DNAH11: variants seen among roughly 807,000 people sequenced by gnomAD.
The protein encoded by DNAH11 is dynein axonemal heavy chain 11.
A neutral mutation model predicts 526.0 loss-of-function variants in DNAH11; 442 were observed. That is an observed-to-expected ratio of 0.84 (90% CI 0.78 to 0.91). The LOEUF (loss-of-function observed/expected upper bound fraction) is 0.91. DNAH11 is among the 40% of genes least tolerant of loss of function. The probability of loss-of-function intolerance (pLI) is 0.00; values close to 1 mark genes in which losing one functional copy is unlikely to be tolerated. For synonymous variants in DNAH11, 2,461 were observed against 1,935.9 expected (o/e 1.27, Z -7.12); for missense variants, 6,989 against 5,448.7 (o/e 1.28, Z -8.90).
chr7:21,672,922 A>C (rs1782703939), intron 30 of DNAH11, among the ~76,000 whole-genome samples: 1 of 152,186 alleles, frequency 6.6e-6, no homozygotes, highest in African/African-American at 2.4e-5. Context: ...CTACATGGTG[A>C]ACCCACTGTC....
intron 14 of DNAH11, among the ~76,000 whole-genome samples, chr7:21,594,121 C>T (rs1418243117): frequency 6.7e-6 from 1 of 150,158 alleles, no homozygotes; most frequent in African/African-American, 2.4e-5. Flanking sequence ...CATGAAGTAG[C>T]ACAGTGTGGG....
At chr7:21,728,237 CTTTTTTTTTTTTTTTTTT>C (rs71026816) in intron 45 of DNAH11, among the ~76,000 whole-genome samples, 46 of 58,944 alleles carry the variant, frequency 7.8e-4, no homozygotes, top group African/African-American at 3.0e-3. Flanking sequence ...GCCCACAATT[CTTTTTTTTTTTTTTTTTT>C]TTTTTTTTTT....
chr7:21,855,548 A>C (rs1352923719), intron 68 of DNAH11, among the ~76,000 whole-genome samples: 1 of 152,250 alleles, frequency 6.6e-6, no homozygotes, highest in Admixed American at 6.5e-5. Flanking sequence ...CATTTAAAAA[A>C]TAAGGATGAC....
chr7:21,591,319 G>C lies in DNAH11; in HGVS notation c.2409G>C (p.Leu803=). 2 of 1,613,964 alleles carry C rather than the reference G, an allele frequency of 1.2e-6. No individual in the cohort carries two copies. The highest frequency in any genetic ancestry group is 1.7e-6 in the Non-Finnish European group (2 of 1,179,852). The change falls in exon 14 of 82, where the codon CTG becomes CTC. Residue 803 remains leucine, a synonymous_variant. Transcript: ENST00000409508. The part of the protein sequence containing the change: ...DEQLTAATTW[L]TWQDDCWGYI... Reference sequence around the variant, plus strand: ...AGCTGACAGCAGCCACAACGTGGCTGACATGGCAGGATGACTGCTGGGGCT... The same window carrying C: ...AGCTGACAGCAGCCACAACGTGGCTCACATGGCAGGATGACTGCTGGGGCT...
intron 14 of DNAH11, among the ~76,000 whole-genome samples, chr7:21,592,020 C>A (rs1054119187): frequency 6.6e-6 from 1 of 152,090 alleles, no homozygotes; most frequent in Non-Finnish European, 1.5e-5. Flanking sequence ...AAAACAGTAA[C>A]AGGCACTCAT....
chr7:21,706,885 A>T (rs1038710413), intron 39 of DNAH11, among the ~76,000 whole-genome samples: 37 of 152,336 alleles, frequency 2.4e-4, no homozygotes, highest in African/African-American at 8.9e-4. Context: ...TAGGGCAGAT[A>T]TTTGAGTTAA....
At chr7:21,788,339 G>A (rs533713678) in intron 60 of DNAH11, among the ~76,000 whole-genome samples, 1 of 152,008 alleles carries the variant, frequency 6.6e-6, no homozygotes, top group African/African-American at 2.4e-5. Context: ...TTATACTGTG[G>A]GGCCCACAGG....
chr7:21,823,408 G>A (rs1464697567), intron 65 of DNAH11, among the ~76,000 whole-genome samples: 1 of 151,900 alleles, frequency 6.6e-6, no homozygotes, highest in Admixed American at 6.6e-5. Context: ...CCCCCCTCCT[G>A]TGATATGTTA....
chr7:21,601,456 T>G lies in DNAH11; in HGVS notation c.3486T>G (p.Asn1162Lys). The change falls in exon 18 of 82, where the codon AAT becomes AAG. Residue 1162 changes from asparagine (N) to lysine (K), a missense_variant. Physicochemically the swap from Asn to Lys is moderately conservative, Grantham distance 94. Transcript: ENST00000409508. ...ETDSGLQRELNEGDHDGLVDI... is the reference protein window; with the variant it reads ...ETDSGLQRELKEGDHDGLVDI... ...ATTCCGGACTTCAGAGAGAATTAAA[T>G]GAAGGTGATCATGATGGTTTAGTTG... 25 of 1,613,796 alleles carry G rather than the reference T, an allele frequency of 1.5e-5. No homozygotes were observed. Among genetic ancestry groups the G allele is most frequent in the Non-Finnish European group, 2.1e-5 (25 of 1,179,822 alleles).
chr7:21,637,380 C>T (rs1234171346), intron 26 of DNAH11, among the ~76,000 whole-genome samples: 2 of 152,154 alleles, frequency 1.3e-5, no homozygotes, highest in Admixed American at 6.5e-5. Flanking sequence ...AAAGTGGTGA[C>T]AGTGCTTATC....
intron 68 of DNAH11, among the ~76,000 whole-genome samples, chr7:21,858,686 G>C (rs988292169): frequency 7.2e-5 from 11 of 152,202 alleles, no homozygotes; most frequent in Admixed American, 7.2e-4. Flanking sequence ...CAGTGACAGA[G>C]GCAGGTCAGT....
Position 21,619,150 on chromosome 7 carries a change from G to A in DNAH11, c.4305G>A (p.Leu1435=). ...EATTLADLLA[L]RLHRVEDDVR... ...CAACTTTGGCAGATTTGTTAGCACT[G>A]CGGTTACACAGAGTGGAAGATGATG... is the stretch of plus-strand genomic sequence containing the variant. The change falls in exon 24 of 82, where the codon CTG becomes CTA. Residue 1435 remains leucine (L), a synonymous_variant. Coordinates refer to ENST00000409508, the MANE Select transcript of DNAH11 (RefSeq NM_001277115.2). 1 of 1,613,666 alleles carries A rather than the reference G, an allele frequency of 6.2e-7. No individual in the cohort carries two copies. The highest frequency in any genetic ancestry group is 8.5e-7 in the Non-Finnish European group (1 of 1,179,728).
At chr7:21,791,800 G>T in intron 61 of DNAH11, among the ~76,000 whole-genome samples, 1 of 152,196 alleles carries the variant, frequency 6.6e-6, no homozygotes, top group East Asian at 1.9e-4. Context: ...CCGCAGTCAT[G>T]ACTGGAGTTT....
At chr7:21,751,331 A>C (rs948400997) in intron 54 of DNAH11, among the ~76,000 whole-genome samples, 3 of 152,156 alleles carry the variant, frequency 2.0e-5, no homozygotes, top group African/African-American at 7.2e-5. Context: ...CTCAAAAAAC[A>C]AAAGAAGTAA....
intron 43 of DNAH11, among the ~76,000 whole-genome samples, chr7:21,718,584 A>C (rs1784759337): frequency 6.6e-6 from 1 of 152,192 alleles, no homozygotes. Flanking sequence ...GGTTACACAT[A>C]ATATGTTGTC....
chr7:21,856,094 A>ATTTCTG (rs1782836596), intron 68 of DNAH11, among the ~76,000 whole-genome samples: 1 of 152,174 alleles, frequency 6.6e-6, no homozygotes, highest in African/African-American at 2.4e-5. Context: ...CTGCAGGGTA[A>ATTTCTG]TGAGCAAGGG....
chr7:21,799,711 A>G (rs907551246), intron 61 of DNAH11, among the ~76,000 whole-genome samples: 1 of 152,216 alleles, frequency 6.6e-6, no homozygotes, highest in Non-Finnish European at 1.5e-5. Context: ...TATTTTGCAT[A>G]TTAATCTTAA....
At chr7:21,876,776 G>A (rs757324258) in intron 74 of DNAH11, among the ~76,000 whole-genome samples, 6 of 152,216 alleles carry the variant, frequency 3.9e-5, no homozygotes, top group Non-Finnish European at 5.9e-5. Context: ...GGAAAAGGAC[G>A]GTGTTTGCTT....
intron 65 of DNAH11, among the ~76,000 whole-genome samples, chr7:21,828,935 C>A (rs1351070033): frequency 2.0e-5 from 3 of 151,970 alleles, no homozygotes; most frequent in Non-Finnish European, 4.4e-5. Context: ...TCAGGGTTTT[C>A]TTTCCTTCTT....
Sources: allele counts gnomAD v4.1 joint callset (sites outside exome capture counted in the v4.1 genomes callset), GRCh38; gene constraint gnomAD v4.1.1; transcripts MANE v1.5; gene names NCBI Gene and HGNC (gene_info 2026-07-23, HGNC 2026-07-21).